CSMD1: variants seen among roughly 807,000 people sequenced by gnomAD.
The protein encoded by CSMD1 is CUB and sushi domain-containing protein 1.
A neutral mutation model predicts 417.5 loss-of-function variants in CSMD1; 213 were observed. That is an observed-to-expected ratio of 0.51 (90% CI 0.46 to 0.57). The LOEUF (loss-of-function observed/expected upper bound fraction) is 0.57. Ranked by LOEUF, CSMD1 falls within the 20% of genes least tolerant of loss-of-function variation. The pLI is 0.00. For synonymous variants in CSMD1, 2,862 were observed against 1,736.8 expected (o/e 1.65, Z -16.11); for missense variants, 6,923 against 4,529.7 (o/e 1.53, Z -15.17).
At chr8:4,484,480 G>A (rs1394322009) in intron 2 of CSMD1, among the ~76,000 whole-genome samples, 1 of 152,042 alleles carries the variant, frequency 6.6e-6, no homozygotes, top group African/African-American at 2.4e-5. Flanking sequence ...TTTGAAGGAG[G>A]CACAAAAGAG....
chr8:3,496,293 C>T (rs1221906074), intron 10 of CSMD1, among the ~76,000 whole-genome samples: 1 of 152,128 alleles, frequency 6.6e-6, no homozygotes, highest in Non-Finnish European at 1.5e-5. Flanking sequence ...CATAACATTC[C>T]CTGTGTTGGC....
chr8:4,337,789 C>G (rs1255523938), intron 3 of CSMD1, among the ~76,000 whole-genome samples: 1 of 152,118 alleles, frequency 6.6e-6, no homozygotes, highest in African/African-American at 2.4e-5. Flanking sequence ...AATCACACAG[C>G]TCTGATAAAT....
chr8:4,387,606 G>C (rs1399157251), intron 3 of CSMD1, among the ~76,000 whole-genome samples: 1 of 103,152 alleles, frequency 9.7e-6, no homozygotes, highest in East Asian at 2.6e-4. Flanking sequence ...TTGAATGTTT[G>C]GAAGTATTTT....
intron 1 of CSMD1, among the ~76,000 whole-genome samples, chr8:4,719,308 G>A (rs1037655211): frequency 6.6e-6 from 1 of 152,128 alleles, no homozygotes; most frequent in Non-Finnish European, 1.5e-5. Context: ...AGCCTAATAA[G>A]AAATAAGGGT....
intron 12 of CSMD1, among the ~76,000 whole-genome samples, chr8:3,442,535 T>C (rs993885155): frequency 1.3e-5 from 2 of 152,234 alleles, no homozygotes; most frequent in South Asian, 2.1e-4. Flanking sequence ...CCTGTAGTAT[T>C]ACAGTCACAT....
At chr8:4,824,116 C>T (rs1799678247) in intron 1 of CSMD1, among the ~76,000 whole-genome samples, 1 of 149,122 alleles carries the variant, frequency 6.7e-6, no homozygotes, top group Non-Finnish European at 1.5e-5. Flanking sequence ...ACACACTCTC[C>T]CTCTCACACG....
chr8:4,549,896 CAAAAAAA>C (rs777040766), intron 2 of CSMD1, among the ~76,000 whole-genome samples: 2 of 88,654 alleles, frequency 2.3e-5, no homozygotes, highest in East Asian at 3.8e-4. Context: ...GACTTTGTCT[CAAAAAAA>C]AAAAAAAAAA....
chr8:4,145,322 T>G (rs1647363), intron 3 of CSMD1, among the ~76,000 whole-genome samples: 1 of 150,796 alleles, frequency 6.6e-6, no homozygotes, highest in African/African-American at 2.5e-5. Context: ...TCACCATTTT[T>G]TGAGGAAAAA....
intron 3 of CSMD1, among the ~76,000 whole-genome samples, chr8:4,186,546 G>T (rs781345158): frequency 1.3e-5 from 2 of 152,068 alleles, no homozygotes; most frequent in Admixed American, 6.6e-5. Flanking sequence ...AGCATTATAC[G>T]AATATAAAAG....
intron 25 of CSMD1, among the ~76,000 whole-genome samples, chr8:3,300,060 C>T (rs904314159): frequency 6.6e-6 from 1 of 152,096 alleles, no homozygotes; most frequent in Non-Finnish European, 1.5e-5. Context: ...TAAAAACAAC[C>T]TGAATATTCC....
rs555127369 is a variant in CSMD1, at chr8:4,331,325, G to C, written c.415+88628C>G. Among the ~76,000 whole-genome samples the C allele has an allele frequency of 3.9e-5, 6 of 152,246 alleles. No individual in the cohort carries two copies. The South Asian group carries it at 8.3e-4, about 21-fold the overall frequency. ...ATGCTGCACGGTGGGTGCAAACGCA[G>C]TTTTGAGACTAATTTTACCCCGCCC... On this transcript the variant is annotated intron_variant, in intron 3 of 69. Transcript: ENST00000635120.
chr8:3,928,090 G>C (rs1327930107), intron 5 of CSMD1, among the ~76,000 whole-genome samples: 1 of 152,040 alleles, frequency 6.6e-6, no homozygotes, highest in African/African-American at 2.4e-5. Flanking sequence ...CTGAGTTTAT[G>C]AAAGTATAAA....
intron 5 of CSMD1, among the ~76,000 whole-genome samples, chr8:3,947,433 C>A (rs934713771): frequency 8.5e-5 from 13 of 152,134 alleles, no homozygotes; most frequent in African/African-American, 2.9e-4. Flanking sequence ...TATTTCACAA[C>A]ATTTTTAAAA....
intron 2 of CSMD1, among the ~76,000 whole-genome samples, chr8:4,437,248 T>A (rs1393620778): frequency 6.6e-6 from 1 of 152,164 alleles, no homozygotes; most frequent in African/African-American, 2.4e-5. Context: ...GGTTCTGAAA[T>A]TAGGCAGTAG....
At chr8:3,697,596 G>A (rs1024139307) in intron 7 of CSMD1, among the ~76,000 whole-genome samples, 1 of 152,074 alleles carries the variant, frequency 6.6e-6, no homozygotes, top group Non-Finnish European at 1.5e-5. Context: ...CAAGAATATA[G>A]CAGTTCCCCC....
intron 1 of CSMD1, among the ~76,000 whole-genome samples, chr8:4,669,621 A>C (rs757385822): frequency 2.6e-5 from 4 of 152,156 alleles, no homozygotes; most frequent in Non-Finnish European, 5.9e-5. Flanking sequence ...TTCTGTTTAG[A>C]AACTTTTTTT....
chr8:4,795,399 G>A (rs912343677), intron 1 of CSMD1, among the ~76,000 whole-genome samples: 1 of 150,344 alleles, frequency 6.7e-6, no homozygotes, highest in African/African-American at 2.4e-5. Context: ...AGCCTTCCGA[G>A]TAGCTGGGAT....
chr8:3,810,143 A>G (rs943599428), intron 5 of CSMD1, among the ~76,000 whole-genome samples: 4 of 151,636 alleles, frequency 2.6e-5, no homozygotes, highest in Non-Finnish European at 4.4e-5. Flanking sequence ...CCAGGCCCCA[A>G]CTGACTATCA....
intron 12 of CSMD1, among the ~76,000 whole-genome samples, 160 bp downstream of exon 12, chr8:3,468,552 A>C (rs930147774): frequency 1.3e-5 from 2 of 152,188 alleles, no homozygotes; most frequent in African/African-American, 4.8e-5. Flanking sequence ...TCATTCACGA[A>C]AGCGAGTGTT....
Sources: gnomAD v4.1 joint callset for allele counts (sites outside exome capture counted in the v4.1 genomes callset) on GRCh38, gnomAD v4.1.1 for gene constraint, MANE v1.5 for transcripts, NCBI Gene and HGNC (gene_info 2026-07-23, HGNC 2026-07-21) for gene names.